The following RCOR3 variants were observed in gnomAD, a reference collection of about 807,000 sequenced individuals.
The protein encoded by RCOR3 is REST corepressor 3.
A neutral mutation model predicts 64.1 loss-of-function variants in RCOR3; 13 were observed. That is an observed-to-expected ratio of 0.20 (90% CI 0.13 to 0.32). RCOR3 has a LOEUF of 0.32. Among genes scored for constraint, RCOR3 ranks in the 10% least tolerant of loss-of-function variants. RCOR3 has a pLI of 1.00. For synonymous variants in RCOR3, 215 were observed against 239.0 expected (o/e 0.90, Z 0.93); for missense variants, 489 against 701.2 (o/e 0.70, Z 3.42).
intron 8 of RCOR3, among the ~76,000 whole-genome samples, chr1:211,295,048 T>TG (rs1699720492): frequency 2.8e-5 from 1 of 35,642 alleles, no homozygotes; most frequent in African/African-American, 8.1e-5. Flanking sequence ...CAGCTAATTT[T>TG]TTTTTTTTTT....
At chr1:211,294,866 G>A (rs1021776610) in intron 8 of RCOR3, among the ~76,000 whole-genome samples, 3 of 151,992 alleles carry the variant, frequency 2.0e-5, no homozygotes, top group African/African-American at 7.3e-5. Flanking sequence ...TGGGATTACA[G>A]GCGTGAGCCA....
intron 9 of RCOR3, chr1:211,303,852 T>A: frequency 2.8e-6 from 1 of 357,768 alleles, no homozygotes; most frequent in Non-Finnish European, 5.0e-6. Context: ...AGAGCATAAA[T>A]GCGAATGTTG....
intron 7 of RCOR3, among the ~76,000 whole-genome samples, chr1:211,286,366 G>T (rs1231909653): frequency 7.3e-5 from 11 of 150,516 alleles, no homozygotes; most frequent in African/African-American, 2.4e-4. Context: ...GGAGTGCAGT[G>T]GCGTGATCTC....
chr1:211,304,210 T>G lies in RCOR3; in HGVS notation c.1075+70T>G. 6 of 1,098,238 alleles carry G rather than the reference T, an allele frequency of 5.5e-6. 1 individual carries two copies. The South Asian group carries it at 1.0e-4, about 19-fold the overall frequency. The allele number at this position is 1,098,238 out of a possible 1,614,324, so 68.0% of individuals were successfully genotyped here. A position where few individuals can be genotyped will look rare whatever the true frequency, so the allele number is the denominator to read the frequency against. ...TTGTCATGAAAGGTGACTACTCTAG[T>G]TCTTCCCTTCCTTTAGAAATTGATC... On this transcript the variant is annotated intron_variant, in intron 10 of 11. Transcript: ENST00000419091.
chr1:211,273,370 G>A (rs11119717), intron 3 of RCOR3, among the ~76,000 whole-genome samples: 13,229 of 152,154 alleles, frequency 0.087, 1,206 homozygotes, highest in East Asian at 0.26. Flanking sequence ...GCAATAAGCC[G>A]ATAATCAAAC....
intron 8 of RCOR3, among the ~76,000 whole-genome samples, chr1:211,292,261 C>G (rs1699329724): frequency 6.6e-6 from 1 of 152,196 alleles, no homozygotes; most frequent in Admixed American, 6.5e-5. Context: ...GGCAGCTATC[C>G]TCACCACTAT....
chr1:211,290,383 T>G (rs1233467018), intron 8 of RCOR3, among the ~76,000 whole-genome samples: 1 of 152,214 alleles, frequency 6.6e-6, no homozygotes, highest in African/African-American at 2.4e-5. Context: ...TCCCAACACA[T>G]GTAAACCAAA....
At chr1:211,276,483 T>C in intron 5 of RCOR3, 65 bp downstream of exon 5, 1 of 1,295,466 alleles carries the variant, frequency 7.7e-7, no homozygotes, top group South Asian at 1.5e-5. Flanking sequence ...TATTAAACAC[T>C]TCCTAATTAT....
At chr1:211,272,867 C>T (rs540924931) in intron 3 of RCOR3, among the ~76,000 whole-genome samples, 145 of 151,518 alleles carry the variant, frequency 9.6e-4, no homozygotes, top group African/African-American at 3.2e-3. Flanking sequence ...GTGATCCGCC[C>T]GCCTCGGCCT....
intron 10 of RCOR3, among the ~76,000 whole-genome samples, chr1:211,304,810 C>G (rs1700705739): frequency 6.6e-6 from 1 of 152,166 alleles, no homozygotes; most frequent in Non-Finnish European, 1.5e-5. Flanking sequence ...TGGATTTTCT[C>G]ATGTTTAAAT....
At chr1:211,302,158 T>G (rs537190537) in intron 9 of RCOR3, 8 of 152,330 alleles carry the variant, frequency 5.3e-5, no homozygotes, top group African/African-American at 1.9e-4. Flanking sequence ...ACTCACCAAC[T>G]CTTCCTAATT....
At position 211,313,613 on chromosome 1, in the gene RCOR3, C is replaced by T. The variant is rs139452420; in HGVS notation, c.1507C>T (p.Arg503Trp). Residue 503 changes from arginine to tryptophan, a missense_variant, in exon 12 of 12, where the codon CGG (arginine) becomes TGG (tryptophan). Transcript: ENST00000419091. This position sits in a 1 kb window ranked among gnomAD's most constrained non-coding sequence, Gnocchi z 4.7. Reference protein sequence around the residue: ...LQQQARFIQPRPTLNQPPPPL... With the variant: ...LQQQARFIQPWPTLNQPPPPL... ...GCAGCAGGCTCGGTTCATCCAGCCC[C>T]GGCCAACTTTAAATCAGCCTCCACC... 74 of 1,614,032 alleles carry T rather than the reference C, an allele frequency of 4.6e-5. No homozygotes were observed. The highest frequency in any genetic ancestry group is 5.4e-5 in the Non-Finnish European group (64 of 1,180,028).
chr1:211,296,245 A>T (rs2102609558), intron 9 of RCOR3, among the ~76,000 whole-genome samples: 1 of 152,334 alleles, frequency 6.6e-6, no homozygotes, highest in East Asian at 1.9e-4. Context: ...TGTACTTACA[A>T]AAACAAGGTA....
chr1:211,294,888 C>G (rs1036336304), intron 8 of RCOR3, among the ~76,000 whole-genome samples: 1 of 151,846 alleles, frequency 6.6e-6, no homozygotes, highest in African/African-American at 2.4e-5. Flanking sequence ...CGCACCCAGC[C>G]TTTTTTTAAG....
At chr1:211,308,692 TTTTTTTTG>T (rs1701165810) in intron 10 of RCOR3, among the ~76,000 whole-genome samples, 1 of 59,860 alleles carries the variant, frequency 1.7e-5, no homozygotes, top group African/African-American at 5.2e-5. Context: ...TTGTTTTTTT[TTTTTTTTG>T]TGTAGTCCAA....
At chr1:211,273,603 T>G (rs958101614) in intron 3 of RCOR3, among the ~76,000 whole-genome samples, 1 of 152,232 alleles carries the variant, frequency 6.6e-6, no homozygotes, top group African/African-American at 2.4e-5. Context: ...TCATTGAAAC[T>G]GCTTATCTAA....
chr1:211,263,716 A>G (rs1372731123), intron 2 of RCOR3, among the ~76,000 whole-genome samples: 1 of 152,238 alleles, frequency 6.6e-6, no homozygotes, highest in Non-Finnish European at 1.5e-5. Flanking sequence ...ATTCTTATTT[A>G]TAAGTGTTGT....
At chr1:211,300,891 G>A (rs920366627) in intron 9 of RCOR3, among the ~76,000 whole-genome samples, 2 of 151,866 alleles carry the variant, frequency 1.3e-5, no homozygotes, top group Non-Finnish European at 2.9e-5. Context: ...TGAACTGAGG[G>A]AGACTCTAGT....
At chr1:211,283,496 A>G (rs571827554) in intron 7 of RCOR3, among the ~76,000 whole-genome samples, 10 of 152,334 alleles carry the variant, frequency 6.6e-5, no homozygotes, top group African/African-American at 1.9e-4. Context: ...TTCCTTGCCA[A>G]TGCTTGATCA....
Sources: allele counts gnomAD v4.1 joint callset (sites outside exome capture counted in the v4.1 genomes callset), GRCh38; gene constraint gnomAD v4.1.1; non-coding constraint Gnocchi (gnomAD v3.1); transcripts MANE v1.5; gene names NCBI Gene and HGNC (gene_info 2026-07-23, HGNC 2026-07-21).